GABRB2: variants seen among roughly 807,000 people sequenced by gnomAD.
GABRB2 encodes the protein gamma-aminobutyric acid receptor subunit beta-2.
A neutral mutation model predicts 54.7 loss-of-function variants in GABRB2; 16 were observed. The ratio of observed to expected loss-of-function variants is 0.29; its 90% CI spans 0.20 to 0.44. GABRB2 has a LOEUF of 0.44. GABRB2 is among the 20% of genes least tolerant of loss of function. The probability of loss-of-function intolerance (pLI) is 1.00; values close to 1 mark genes in which losing one functional copy is unlikely to be tolerated. For synonymous variants in GABRB2, 244 were observed against 233.8 expected, an observed-to-expected ratio of 1.04 and a Z score of -0.40; for missense variants, 355 against 644.0, an observed-to-expected ratio of 0.55 and a Z score of 4.86.
intron 9 of GABRB2, among the ~76,000 whole-genome samples, chr5:161,305,330 A>C (rs980326731): frequency 2.0e-5 from 3 of 152,204 alleles, no homozygotes; most frequent in African/African-American, 7.2e-5. Flanking sequence ...TATCAATTTT[A>C]ATAGACATTT....
chr5:161,409,035 G>A (rs1756428768), intron 5 of GABRB2, among the ~76,000 whole-genome samples: 1 of 152,032 alleles, frequency 6.6e-6, no homozygotes, highest in African/African-American at 2.4e-5. Flanking sequence ...ATTCTCTGTA[G>A]CAATGATTTG....
At position 161,294,256 on chromosome 5, in the gene GABRB2, G is replaced by A. The variant is rs2113333534; in HGVS notation, c.1364C>T (p.Ala455Val). The A allele has an allele frequency of 1.9e-6, 3 of 1,614,146 alleles. No homozygotes were observed. The highest frequency in any genetic ancestry group is 2.5e-6 in the Non-Finnish European group (3 of 1,180,012). ...GLPRHSFGRN[A>V]LERHVAQKKS... ...CTTTTGCGCCACATGTCGTTCCAGAGCATTTCGGCCAAAACTATGCCTGGG... is the reference window on the plus strand; with the variant it reads ...CTTTTGCGCCACATGTCGTTCCAGAACATTTCGGCCAAAACTATGCCTGGG... The change falls in exon 10 of 10, where the codon GCT (alanine) becomes GTT (valine). Residue 455 changes from alanine to valine, a missense_variant. Physicochemically the swap from Ala to Val is moderately conservative, Grantham distance 64. Around this residue, in one of 6 missense-constraint regions of GABRB2, gnomAD observed 201 missense variants for 228.1 expected, o/e 0.88. Coordinates refer to ENST00000393959, the MANE Select transcript of GABRB2 (RefSeq NM_001371727.1).
rs145459327 is a variant in GABRB2 at position 161,358,802 on chromosome 5, A to G, written c.542-22033T>C. Among the ~76,000 whole-genome samples the G allele has an allele frequency of 2.7e-4, 41 of 152,162 alleles. No individual in the cohort carries two copies. The East Asian group carries it at 7.0e-3, about 26-fold the overall frequency. ...AGAGGTGTTGAGAAAGTAAGGAGAG[A>G]GGGGAGAAGGTATGAAGTAGTTGTT... On this transcript the variant is annotated intron_variant, in intron 5 of 9. Coordinates refer to ENST00000393959, the MANE Select transcript of GABRB2 (RefSeq NM_001371727.1).
intron 7 of GABRB2, among the ~76,000 whole-genome samples, chr5:161,333,771 G>C (rs1393888332): frequency 6.6e-6 from 1 of 152,040 alleles, no homozygotes; most frequent in African/African-American, 2.4e-5. Context: ...TTATCACCCA[G>C]GTATCCACAT....
intron 5 of GABRB2, among the ~76,000 whole-genome samples, chr5:161,377,544 A>C (rs1755343813): frequency 6.6e-6 from 1 of 152,152 alleles, no homozygotes; most frequent in African/African-American, 2.4e-5. Context: ...AGTGACTTGA[A>C]GGTTTTATAA....
upstream of GABRB2, chr5:161,546,777 C>A: frequency 1.4e-6 from 2 of 1,461,272 alleles, no homozygotes; most frequent in South Asian, 1.4e-5. Flanking sequence ...CGGCGGCTGC[C>A]GGGGACCGAG....
chr5:161,313,280 C>T (rs988403862), intron 9 of GABRB2, among the ~76,000 whole-genome samples: 1 of 152,106 alleles, frequency 6.6e-6, no homozygotes, highest in East Asian at 1.9e-4. Context: ...TGATAGAATC[C>T]TTTAAACCTC....
intron 5 of GABRB2, among the ~76,000 whole-genome samples, chr5:161,364,936 T>C (rs1194522224): frequency 1.3e-5 from 2 of 152,200 alleles, no homozygotes; most frequent in East Asian, 3.8e-4. Context: ...CTGGCTTTTA[T>C]TATAAAATAT....
intron 4 of GABRB2, among the ~76,000 whole-genome samples, chr5:161,458,576 G>T (rs577297183): frequency 6.6e-6 from 1 of 152,332 alleles, no homozygotes; most frequent in South Asian, 2.1e-4. Flanking sequence ...GAAATATGTG[G>T]AATTGGAGGC....
intron 3 of GABRB2, among the ~76,000 whole-genome samples, chr5:161,466,143 G>A (rs2113283738): frequency 6.6e-6 from 1 of 152,072 alleles, no homozygotes; most frequent in South Asian, 2.1e-4. Context: ...CTTATGATTA[G>A]ATTGAGATTA....
intron 4 of GABRB2, among the ~76,000 whole-genome samples, chr5:161,417,742 C>A (rs887068028): frequency 3.9e-5 from 6 of 152,172 alleles, no homozygotes; most frequent in African/African-American, 1.4e-4. Context: ...ATACAGGCCT[C>A]TCCCCAAGGA....
intron 4 of GABRB2, among the ~76,000 whole-genome samples, chr5:161,429,046 T>A (rs1757092393): frequency 6.6e-6 from 1 of 151,524 alleles, no homozygotes; most frequent in Non-Finnish European, 1.5e-5. Flanking sequence ...CAATAATGTA[T>A]GTTATAAGAC....
chr5:161,494,610 C>A (rs763787041), intron 3 of GABRB2, among the ~76,000 whole-genome samples: 3 of 150,670 alleles, frequency 2.0e-5, no homozygotes, highest in Non-Finnish European at 4.4e-5. Flanking sequence ...TTTCCAGAAT[C>A]TTCCAAAGTA....
chr5:161,531,175 T>A (rs948260956), intron 3 of GABRB2, among the ~76,000 whole-genome samples: 1 of 152,144 alleles, frequency 6.6e-6, no homozygotes, highest in African/African-American at 2.4e-5. Flanking sequence ...AACCTAAAAA[T>A]TGGCACCTGC....
At chr5:161,441,782 T>A (rs1402020017) in intron 4 of GABRB2, among the ~76,000 whole-genome samples, 7 of 152,140 alleles carry the variant, frequency 4.6e-5, no homozygotes, top group Non-Finnish European at 8.8e-5. Flanking sequence ...CAAAAAGGAA[T>A]AAGATCCATT....
intron 5 of GABRB2, among the ~76,000 whole-genome samples, chr5:161,379,714 C>G (rs567582975): frequency 1.6e-4 from 24 of 152,216 alleles, no homozygotes; most frequent in Admixed American, 1.4e-3. Context: ...CAATTACCCC[C>G]TTTCTGAGTC....
At chr5:161,310,037 T>C (rs1757816299) in intron 9 of GABRB2, among the ~76,000 whole-genome samples, 1 of 152,194 alleles carries the variant, frequency 6.6e-6, no homozygotes, top group South Asian at 2.1e-4. Flanking sequence ...CTGGAGGCCA[T>C]TATCCTTAGC....
chr5:161,318,884 T>G (rs904171405), intron 9 of GABRB2, among the ~76,000 whole-genome samples: 1 of 151,986 alleles, frequency 6.6e-6, no homozygotes, highest in Non-Finnish European at 1.5e-5. Flanking sequence ...ATTAAAATCT[T>G]ATTACTGTGA....
At chr5:161,385,947 G>GTGTGTGTGTGTGTGTGT (rs1561631724) in intron 5 of GABRB2, among the ~76,000 whole-genome samples, 1 of 93,354 alleles carries the variant, frequency 1.1e-5, no homozygotes, top group Non-Finnish European at 2.4e-5. Context: ...CCTATTGTCT[G>GTGTGTGTGTGTGTGTGT]GTGTGTGTGT....
Sources: allele counts gnomAD v4.1 joint callset (sites outside exome capture counted in the v4.1 genomes callset), GRCh38; gene constraint gnomAD v4.1.1; regional missense constraint gnomAD v4.1.1; transcripts MANE v1.5; gene names NCBI Gene and HGNC (gene_info 2026-07-23, HGNC 2026-07-21).